The following PLD1 variants were observed in gnomAD, a reference collection of about 807,000 sequenced individuals.
PLD1 encodes choline phosphatase 1.
A neutral mutation model predicts 137.1 loss-of-function variants in PLD1; 112 were observed. That is an observed-to-expected ratio of 0.82 (90% CI 0.70 to 0.96). The LOEUF (loss-of-function observed/expected upper bound fraction) is 0.96, where lower values mean the gene tolerates loss of function less well. PLD1 is among the 40% of genes least tolerant of loss of function. PLD1 has a pLI of 0.00. For missense variants in PLD1, 1,321 were observed against 1,342.0 expected (o/e 0.98, Z 0.24); for synonymous variants, 431 against 454.7 (o/e 0.95, Z 0.66).
chr3:171,691,684 T>C (rs945137597), intron 13 of PLD1, among the ~76,000 whole-genome samples: 3 of 152,194 alleles, frequency 2.0e-5, no homozygotes, highest in African/African-American at 7.2e-5. Context: ...ATATATAAAT[T>C]ACGCAACCTA....
At chr3:171,738,741 T>C (rs563828971) in intron 1 of PLD1, among the ~76,000 whole-genome samples, 2 of 152,336 alleles carry the variant, frequency 1.3e-5, no homozygotes, top group African/African-American at 4.8e-5. Flanking sequence ...TATACTTCCC[T>C]CCTTTCTTTT....
intron 11 of PLD1, among the ~76,000 whole-genome samples, chr3:171,702,515 T>G (rs1902139): frequency 0.5 from 76,186 of 151,082 alleles, 20,127 homozygotes; most frequent in African/African-American, 0.66. Context: ...GAAAGACAGG[T>G]AATCACTATA....
intron 1 of PLD1, among the ~76,000 whole-genome samples, chr3:171,750,037 T>C (rs1386242681): frequency 2.0e-5 from 3 of 152,210 alleles, no homozygotes; most frequent in Non-Finnish European, 4.4e-5. Flanking sequence ...CTCTACAACA[T>C]GTCAGTCACA....
rs539419991 is a variant in PLD1 at position 171,722,381 on chromosome 3, A to G, written c.758+2315T>C. 2.0e-5 allele frequency among the ~76,000 whole-genome samples: 3 copies of G among 152,302 alleles called. No homozygotes were observed. The South Asian group carries it at 6.2e-4, about 32-fold the overall frequency. On this transcript the variant is annotated intron_variant, in intron 8 of 26. Transcript: ENST00000351298. ...TGTACAGTTCAGTTTGATTTTTGGT[A>G]TATTCACAAAGTTGTATAACCATCA...
intron 23 of PLD1, 118 bp downstream of exon 23, chr3:171,642,722 T>G (rs1735870232): frequency 3.1e-6 from 2 of 636,178 alleles, no homozygotes; most frequent in Non-Finnish European, 5.5e-6. Flanking sequence ...GGTGAACATT[T>G]TGTGGGGTAC....
intron 21 of PLD1, among the ~76,000 whole-genome samples, chr3:171,648,097 C>T (rs984330896): frequency 1.3e-5 from 2 of 152,166 alleles, no homozygotes; most frequent in Admixed American, 1.3e-4. Context: ...GTACATATCA[C>T]ATTCATCTGT....
chr3:171,742,483 T>A (rs1377300146), intron 1 of PLD1, among the ~76,000 whole-genome samples: 3 of 113,442 alleles, frequency 2.6e-5, no homozygotes, highest in Non-Finnish European at 5.3e-5. Context: ...TAACATAATA[T>A]GCAAAAATTC....
intron 1 of PLD1, among the ~76,000 whole-genome samples, chr3:171,798,519 CAG>C (rs1397111446): frequency 1.3e-5 from 2 of 152,152 alleles, no homozygotes; most frequent in African/African-American, 4.8e-5. Context: ...AATCAGGTGA[CAG>C]TGTCAATAAT....
chr3:171,661,282 G>C lies in PLD1; in HGVS notation c.2340+778C>G, dbSNP rs376093039. ...AGGGGAAGAAAAACAGGGCTAGAAT[G>C]GTTTTCCTCAGTTAACCCATTCCCC... On this transcript the variant is annotated intron_variant, in intron 20 of 26. Coordinates refer to ENST00000351298, the MANE Select transcript of PLD1 (RefSeq NM_002662.5). Among the ~76,000 whole-genome samples the C allele has an allele frequency of 7.2e-5, 11 of 152,158 alleles. No individual in the cohort carries two copies. The South Asian group carries it at 8.3e-4, about 11-fold the overall frequency.
chr3:171,689,682 G>A (rs113453920), intron 13 of PLD1, among the ~76,000 whole-genome samples: 7,112 of 152,026 alleles, frequency 0.047, 536 homozygotes, highest in African/African-American at 0.16. Flanking sequence ...TTTGTTTTTT[G>A]TAGATATGGG....
At chr3:171,721,863 T>G (rs1351961547) in intron 8 of PLD1, among the ~76,000 whole-genome samples, 2 of 152,144 alleles carry the variant, frequency 1.3e-5, no homozygotes, top group African/African-American at 4.8e-5. Flanking sequence ...GATCTTTTCC[T>G]TGTAATTTCT....
intron 19 of PLD1, among the ~76,000 whole-genome samples, chr3:171,670,822 A>G (rs1029006352): frequency 3.9e-5 from 6 of 152,214 alleles, no homozygotes; most frequent in Non-Finnish European, 7.3e-5. Flanking sequence ...TTCTATTTCT[A>G]TTTAGTGATA....
chr3:171,642,716 A>G lies in PLD1; in HGVS notation c.2593+124T>C, dbSNP rs558448630. 83 of 623,014 alleles carry G rather than the reference A, an allele frequency of 1.3e-4. No individual in the cohort carries two copies. In the African/African-American group the frequency reaches 1.5e-3, roughly 11 times the overall value. 38.6% of individuals were successfully genotyped at this position (623,014 alleles called of 1,614,324 possible). ...GAGAATAAATACTTTATTACAGGTGAACATTTTGTGGGGTACCTTTTATAA... is the reference window on the plus strand; with the variant it reads ...GAGAATAAATACTTTATTACAGGTGGACATTTTGTGGGGTACCTTTTATAA... On this transcript the variant is annotated intron_variant, in intron 23 of 26. Coordinates refer to ENST00000351298, the MANE Select transcript of PLD1 (RefSeq NM_002662.5).
chr3:171,777,117 G>A (rs539212008), intron 1 of PLD1, among the ~76,000 whole-genome samples: 3 of 151,826 alleles, frequency 2.0e-5, no homozygotes, highest in Non-Finnish European at 4.4e-5. Flanking sequence ...CAGTTACAAT[G>A]TAAATTACTA....
intron 23 of PLD1, among the ~76,000 whole-genome samples, chr3:171,629,311 T>C (rs1392481180): frequency 6.6e-6 from 1 of 151,738 alleles, no homozygotes; most frequent in African/African-American, 2.4e-5. Flanking sequence ...ACAAGGGACG[T>C]GAAGGACCTC....
At chr3:171,713,738 C>A in intron 9 of PLD1, 155 bp downstream of exon 9, 1 of 631,038 alleles carries the variant, frequency 1.6e-6, no homozygotes, top group East Asian at 2.7e-5. Context: ...AAAATATATA[C>A]AAGGAAAAAA....
intron 23 of PLD1, among the ~76,000 whole-genome samples, chr3:171,639,134 C>T (rs949248650): frequency 1.4e-5 from 2 of 146,468 alleles, no homozygotes; most frequent in African/African-American, 5.0e-5. Context: ...CATAATAAAT[C>T]TTTTCATATA....
At chr3:171,633,291 T>C (rs901108108) in intron 23 of PLD1, among the ~76,000 whole-genome samples, 1 of 152,228 alleles carries the variant, frequency 6.6e-6, no homozygotes, top group African/African-American at 2.4e-5. Context: ...GAGAAACATA[T>C]GCTTTTTGAA....
At chr3:171,604,166 T>A (rs938363224) in intron 26 of PLD1, among the ~76,000 whole-genome samples, 1 of 151,886 alleles carries the variant, frequency 6.6e-6, no homozygotes, top group African/African-American at 2.4e-5. Flanking sequence ...ATACAAAAAT[T>A]AGCTGGGTGT....
Sources: gnomAD v4.1 joint callset for allele counts (sites outside exome capture counted in the v4.1 genomes callset) on GRCh38, gnomAD v4.1.1 for gene constraint, MANE v1.5 for transcripts, NCBI Gene and HGNC (gene_info 2026-07-23, HGNC 2026-07-21) for gene names.